Variants in IL33 observed in about 807,000 individuals in gnomAD.
IL33 encodes the protein interleukin 33.
IL33 carries 37 observed loss-of-function variants against 27.3 expected under a neutral mutation model. That is an observed-to-expected ratio of 1.36 (90% CI 1.04 to 1.78). The LOEUF (loss-of-function observed/expected upper bound fraction) is 1.78. IL33 is among the 40% of genes most tolerant of loss of function. IL33 has a pLI of 0.00. For synonymous variants in IL33, 132 were observed against 102.9 expected, an observed-to-expected ratio of 1.28 and a Z score of -1.71; for missense variants, 406 against 311.4, an observed-to-expected ratio of 1.30 and a Z score of -2.29.
Position 6,256,226 on chromosome 9 carries a change from A to T in IL33, c.*58A>T. ...CCCAAATGCTACCACTGGAGAAGGAATGAGAGATAAAGAAAGAGACAGGTG... is the reference window on the plus strand; with the variant it reads ...CCCAAATGCTACCACTGGAGAAGGATTGAGAGATAAAGAAAGAGACAGGTG... On this transcript the variant is annotated 3_prime_UTR_variant, in exon 8 of 8. Transcript: ENST00000682010. 1 of 1,251,952 alleles carries T rather than the reference A, an allele frequency of 8.0e-7. No homozygotes were observed. Among genetic ancestry groups the T allele is most frequent in the Non-Finnish European group, 1.2e-6 (1 of 860,016 alleles). The allele number at this position is 1,251,952 out of a possible 1,614,324, so 77.6% of individuals were successfully genotyped here.
rs962149808 is a variant in IL33, at chr9:6,253,076, T to C, written c.469+85T>C. 72 of 960,124 alleles carry C rather than the reference T, an allele frequency of 7.5e-5. No individual in the cohort carries two copies. In the East Asian group the frequency reaches 1.9e-3, roughly 26 times the overall value. 59.5% of individuals were successfully genotyped at this position (960,124 alleles called of 1,614,324 possible). ...AATAAATCTACCAAACTTTAAACAA[T>C]GGATTAACTTAGACATGGCAAACAG... On this transcript the variant is annotated intron_variant, in intron 5 of 7. Coordinates refer to ENST00000682010, the MANE Select transcript of IL33 (RefSeq NM_033439.4).
chr9:6,255,997 C>A lies in IL33; in HGVS notation c.642C>A (p.Asp214Glu), dbSNP rs1816708122. Residue 214 changes from aspartate to glutamate, a missense_variant, in exon 8 of 8, where the codon GAC becomes GAA. Physicochemically the swap from Asp to Glu is conservative, Grantham distance 45. Transcript: ENST00000682010. ...ATAAGTGTGAAAAACCACTGCCAGA[C>A]CAGGCCTTCTTTGTCCTTCATAATA... ...ELHKCEKPLP[D>E]QAFFVLHNMH... is the part of the protein sequence containing the mutation. 1.9e-6 allele frequency: 3 copies of A among 1,613,690 alleles called. No individual in the cohort carries two copies. The highest frequency in any genetic ancestry group is 2.5e-6 in the Non-Finnish European group (3 of 1,179,650).
intron 1 of IL33, among the ~76,000 whole-genome samples, chr9:6,217,432 A>C (rs1165725083): frequency 6.6e-6 from 1 of 152,140 alleles, no homozygotes; most frequent in Non-Finnish European, 1.5e-5. Context: ...AATTTCTCCC[A>C]AAGTTAGCTT....
chr9:6,253,019 T>G lies in IL33; in HGVS notation c.469+28T>G, dbSNP rs369965738. The stretch of plus-strand genomic sequence containing the variant: ...AGATTATTTTCTTTTTCTATAATAA[T>G]GTAATAATGACTAATAAAAGTAAAA... On this transcript the variant is annotated intron_variant, in intron 5 of 7. Transcript: ENST00000682010. 13 of 1,346,464 alleles carry G rather than the reference T, an allele frequency of 9.7e-6. No homozygotes were observed. The African/African-American group carries it at 1.3e-4, about 14-fold the overall frequency. 83.4% of individuals were successfully genotyped at this position (1,346,464 alleles called of 1,614,324 possible).
intron 1 of IL33, among the ~76,000 whole-genome samples, chr9:6,220,123 A>G (rs1818346301): frequency 6.6e-6 from 1 of 152,054 alleles, no homozygotes; most frequent in South Asian, 2.1e-4. Flanking sequence ...CCTGCCAGCC[A>G]TTGTTCTCTT....
chr9:6,240,998 C>T (rs1363610222), intron 1 of IL33, among the ~76,000 whole-genome samples: 2 of 151,912 alleles, frequency 1.3e-5, no homozygotes, highest in African/African-American at 2.4e-5. Flanking sequence ...AAGACACAAA[C>T]ACACACACCC....
chr9:6,225,559 C>T (rs941637725), intron 1 of IL33, among the ~76,000 whole-genome samples: 1 of 152,156 alleles, frequency 6.6e-6, no homozygotes, highest in Non-Finnish European at 1.5e-5. Flanking sequence ...TAATAATGCT[C>T]AGTTGACTGC....
At chr9:6,241,856 T>G in intron 2 of IL33, 71 bp downstream of exon 2, 1 of 952,106 alleles carries the variant, frequency 1.1e-6, no homozygotes, top group Non-Finnish European at 1.6e-6. Context: ...TATACTCCAA[T>G]GTTTATACAT....
chr9:6,215,493 G>T (rs893658481), upstream of IL33, among the ~76,000 whole-genome samples: 1 of 152,150 alleles, frequency 6.6e-6, no homozygotes, highest in African/African-American at 2.4e-5. Flanking sequence ...GGCCAAAAGT[G>T]AATATATAAA....
At chr9:6,227,775 G>C (rs1214503715) in intron 1 of IL33, among the ~76,000 whole-genome samples, 2 of 152,110 alleles carry the variant, frequency 1.3e-5, no homozygotes, top group Non-Finnish European at 2.9e-5. Context: ...CAGGTGGAAT[G>C]GGCCTAATGA....
intron 1 of IL33, among the ~76,000 whole-genome samples, chr9:6,226,154 T>C (rs914361782): frequency 2.0e-5 from 3 of 151,950 alleles, no homozygotes; most frequent in Non-Finnish European, 4.4e-5. Context: ...ACTACAGGTG[T>C]GTGCCACCAC....
At chr9:6,255,899 T>C in intron 7 of IL33, 69 bp from the exon 8 acceptor site, 1 of 1,248,984 alleles carries the variant, frequency 8.0e-7, no homozygotes. Flanking sequence ...TAGTTTCCAA[T>C]ACAGGCAGGT....
At chr9:6,232,098 A>C (rs1430445051) in intron 1 of IL33, among the ~76,000 whole-genome samples, 3 of 152,206 alleles carry the variant, frequency 2.0e-5, no homozygotes, top group African/African-American at 7.2e-5. Flanking sequence ...CTAATCAAAG[A>C]GCATTGTCTG....
intron 1 of IL33, among the ~76,000 whole-genome samples, chr9:6,236,891 A>C (rs1204632909): frequency 6.6e-6 from 1 of 152,150 alleles, no homozygotes; most frequent in Non-Finnish European, 1.5e-5. Flanking sequence ...TAAATAAATA[A>C]AATGAAAGTG....
intron 1 of IL33, among the ~76,000 whole-genome samples, chr9:6,227,605 A>G (rs190720923): frequency 3.9e-5 from 6 of 152,230 alleles, no homozygotes; most frequent in Non-Finnish European, 5.9e-5. Flanking sequence ...CTTTTTTCAG[A>G]AAAGGATTCT....
At chr9:6,218,881 ATATATATATATGTT>A (rs1818285886) in intron 1 of IL33, among the ~76,000 whole-genome samples, 1 of 102,492 alleles carries the variant, frequency 9.8e-6, no homozygotes, top group African/African-American at 4.2e-5. Flanking sequence ...TATGTTCTCC[ATATATATATATGTT>A]CTCCATATAT....
In IL33 at chr9:6,250,551, G is replaced by A. The variant is rs183839589; in HGVS notation, c.169G>A (p.Ala57Thr). ...CTCTGGCCTTATGATAAAAAAGGAG[G>A]CCTGTTACTTTAGGAGAGAAACCAC... Reference protein sequence around the residue: ...LRSGLMIKKEACYFRRETTKR... With the variant: ...LRSGLMIKKETCYFRRETTKR... The change falls in exon 3 of 8, where the codon GCC becomes ACC. Residue 57 changes from alanine (A) to threonine (T), a missense_variant. Transcript: ENST00000682010. 3 of 1,613,990 alleles carry A rather than the reference G, an allele frequency of 1.9e-6. No individual in the cohort carries two copies. The highest frequency in any genetic ancestry group is 1.7e-5 in the Admixed American group (1 of 60,008).
At position 6,217,355 on chromosome 9, in the gene IL33, C is replaced by G. The variant is rs186751919; in HGVS notation, c.-12+1503C>G. 6.6e-5 allele frequency among the ~76,000 whole-genome samples: 10 copies of G among 152,092 alleles called. No homozygotes were observed. The East Asian group carries it at 1.9e-3, about 29-fold the overall frequency. On this transcript the variant is annotated intron_variant, in intron 1 of 7. Transcript: ENST00000682010. ...CCTCTCAAACTCCTAACTTGGTGGTCTTTCATTATTTTTACCAAGGTGGTT... is the reference window on the plus strand; with the variant it reads ...CCTCTCAAACTCCTAACTTGGTGGTGTTTCATTATTTTTACCAAGGTGGTT...
At chr9:6,241,571 A>T (rs552567959) in intron 1 of IL33, 113 bp from the exon 2 acceptor site, 2 of 591,608 alleles carry the variant, frequency 3.4e-6, no homozygotes, top group Admixed American at 3.0e-5. Context: ...TTACTGAAAT[A>T]ATTATTTCCT....
Sources: gnomAD v4.1 joint callset for allele counts (sites outside exome capture counted in the v4.1 genomes callset) on GRCh38, gnomAD v4.1.1 for gene constraint, MANE v1.5 for transcripts, NCBI Gene and HGNC (gene_info 2026-07-23, HGNC 2026-07-21) for gene names.